The following PLCB1 variants were observed in gnomAD, a reference collection of about 807,000 sequenced individuals.
The protein encoded by PLCB1 is 1-phosphatidylinositol 4,5-bisphosphate phosphodiesterase beta-1.
Under a neutral mutation model 161.8 loss-of-function variants are expected in PLCB1, and 46 were observed. The ratio of observed to expected loss-of-function variants is 0.28; its 90% CI spans 0.22 to 0.36. The LOEUF is 0.36. Among genes scored for constraint, PLCB1 ranks in the 10% least tolerant of loss-of-function variants. The pLI is 1.00. For missense variants in PLCB1, 1,016 were observed against 1,472.5 expected, an observed-to-expected ratio of 0.69 and a Z score of 5.07; for synonymous variants, 517 against 503.7, an observed-to-expected ratio of 1.03 and a Z score of -0.35.
chr20:8,293,676 C>T (rs746225701), intron 2 of PLCB1, among the ~76,000 whole-genome samples: 3 of 151,890 alleles, frequency 2.0e-5, no homozygotes, highest in Non-Finnish European at 4.4e-5. Flanking sequence ...AAGGCAATAA[C>T]CTCTTAATAT....
At position 8,367,355 on chromosome 20, in the gene PLCB1, T is replaced by C. The variant is rs531439816; in HGVS notation, c.178-4027T>C. ...GCAACGTCAGCATCACCTGGAGGTTTATTTGAGATGCAGATTCTCAGGCCT... is the reference window on the plus strand; with the variant it reads ...GCAACGTCAGCATCACCTGGAGGTTCATTTGAGATGCAGATTCTCAGGCCT... On this transcript the variant is annotated intron_variant, in intron 2 of 31. Coordinates refer to ENST00000338037, the MANE Select transcript of PLCB1 (RefSeq NM_015192.4). Among the ~76,000 whole-genome samples the C allele has an allele frequency of 4.6e-5, 7 of 152,316 alleles. No individual in the cohort carries two copies. In the South Asian group the frequency reaches 1.0e-3, roughly 23 times the overall value.
intron 3 of PLCB1, among the ~76,000 whole-genome samples, chr20:8,601,707 G>A (rs1987592051): frequency 6.6e-6 from 1 of 152,146 alleles, no homozygotes; most frequent in Non-Finnish European, 1.5e-5. Flanking sequence ...GACTCACCCA[G>A]GTTATTCATT....
At chr20:8,395,206 T>C (rs1459489950) in intron 3 of PLCB1, among the ~76,000 whole-genome samples, 1 of 152,120 alleles carries the variant, frequency 6.6e-6, no homozygotes, top group Non-Finnish European at 1.5e-5. Flanking sequence ...CTATTGACTT[T>C]ATTATTTTTG....
At chr20:8,461,785 T>G (rs1247144867) in intron 3 of PLCB1, among the ~76,000 whole-genome samples, 2 of 152,178 alleles carry the variant, frequency 1.3e-5, no homozygotes, top group Non-Finnish European at 2.9e-5. Context: ...TTATATTATT[T>G]TATGTGGAAG....
At chr20:8,757,531 T>C (rs1031250355) in intron 24 of PLCB1, among the ~76,000 whole-genome samples, 11 of 152,208 alleles carry the variant, frequency 7.2e-5, no homozygotes, top group Admixed American at 7.2e-4. Flanking sequence ...CTTGCTTCAT[T>C]AATTCTGTGC....
rs541980927 is a variant in PLCB1 at position 8,408,833 on chromosome 20, A to G, written c.246+37383A>G. ...CGGCAGCCTTTCTGCCCACGCCACAAATATAGTGCTGTGTGTTCAGGACAC... is the reference window on the plus strand; with the variant it reads ...CGGCAGCCTTTCTGCCCACGCCACAGATATAGTGCTGTGTGTTCAGGACAC... On this transcript the variant is annotated intron_variant, in intron 3 of 31. Transcript: ENST00000338037. Among the ~76,000 whole-genome samples the G allele has an allele frequency of 5.9e-5, 9 of 152,294 alleles. No homozygotes were observed. The South Asian group carries it at 1.9e-3, about 32-fold the overall frequency.
intron 3 of PLCB1, among the ~76,000 whole-genome samples, chr20:8,505,189 G>T (rs1983587630): frequency 6.6e-6 from 1 of 152,162 alleles, no homozygotes; most frequent in Non-Finnish European, 1.5e-5. Context: ...GTGACAAGGG[G>T]ACAAGAAGCC....
intron 2 of PLCB1, among the ~76,000 whole-genome samples, chr20:8,360,652 T>C (rs1986506045): frequency 1.3e-5 from 2 of 152,164 alleles, no homozygotes; most frequent in Non-Finnish European, 2.9e-5. Context: ...TTTAGACATA[T>C]CCAGCTCCTA....
intron 3 of PLCB1, among the ~76,000 whole-genome samples, chr20:8,404,799 A>G (rs1978714521): frequency 6.6e-6 from 1 of 152,222 alleles, no homozygotes; most frequent in South Asian, 2.1e-4. Flanking sequence ...AAAACAGAAT[A>G]TTTTGGAAGT....
chr20:8,616,203 G>A (rs565317046), intron 3 of PLCB1, among the ~76,000 whole-genome samples: 13 of 152,252 alleles, frequency 8.5e-5, no homozygotes, highest in African/African-American at 3.1e-4. Flanking sequence ...GGCTTAGAAT[G>A]CCTTGACAAG....
At chr20:8,567,112 G>T (rs1986361028) in intron 3 of PLCB1, among the ~76,000 whole-genome samples, 1 of 152,082 alleles carries the variant, frequency 6.6e-6, no homozygotes, top group South Asian at 2.1e-4. Flanking sequence ...TGTGATATTG[G>T]CCTGGGCACT....
chr20:8,692,433 G>A (rs1431018473), intron 10 of PLCB1, among the ~76,000 whole-genome samples: 1 of 152,122 alleles, frequency 6.6e-6, no homozygotes, highest in East Asian at 1.9e-4. Flanking sequence ...ATGAGCTTAG[G>A]AAATAAACAG....
At chr20:8,491,714 G>A (rs1266591896) in intron 3 of PLCB1, among the ~76,000 whole-genome samples, 1 of 152,016 alleles carries the variant, frequency 6.6e-6, no homozygotes, top group Non-Finnish European at 1.5e-5. Context: ...AACTCAAATT[G>A]CCTTAATCTT....
Position 8,573,948 on chromosome 20 carries a change from G to GA in PLCB1, c.247-54339dup, listed in dbSNP as rs573964027. 7.2e-5 allele frequency among the ~76,000 whole-genome samples: 11 copies of GA among 151,984 alleles called. No homozygotes were observed. The South Asian group carries it at 1.9e-3, about 26-fold the overall frequency. ...CAGCTGATGGACATTGTGCAAAAGG[G>GA]AAAAAAAGATAAATGTAGATTTTTT... is the stretch of plus-strand genomic sequence containing the variant. On this transcript the variant is annotated intron_variant, in intron 3 of 31. Coordinates refer to ENST00000338037, the MANE Select transcript of PLCB1 (RefSeq NM_015192.4).
At chr20:8,413,910 A>G (rs953867143) in intron 3 of PLCB1, among the ~76,000 whole-genome samples, 2 of 152,200 alleles carry the variant, frequency 1.3e-5, no homozygotes, top group Non-Finnish European at 1.5e-5. Context: ...TTTAATTTCA[A>G]TCAAGCAATT....
At chr20:8,463,155 G>A (rs1251122210) in intron 3 of PLCB1, among the ~76,000 whole-genome samples, 1 of 150,744 alleles carries the variant, frequency 6.6e-6, no homozygotes, top group Non-Finnish European at 1.5e-5. Flanking sequence ...CAGTGTGTGT[G>A]TGTGTGTGTG....
intron 2 of PLCB1, among the ~76,000 whole-genome samples, chr20:8,176,065 G>C (rs1217364289): frequency 1.3e-5 from 2 of 152,148 alleles, no homozygotes; most frequent in Non-Finnish European, 1.5e-5. Flanking sequence ...ATCAATGGTA[G>C]GTTAAACAGT....
intron 3 of PLCB1, among the ~76,000 whole-genome samples, chr20:8,579,157 A>G (rs938738349): frequency 6.6e-6 from 1 of 152,186 alleles, no homozygotes; most frequent in African/African-American, 2.4e-5. Context: ...ATTGCCTTCT[A>G]CTCAGCAATG....
chr20:8,659,009 C>T (rs975745598), intron 9 of PLCB1, among the ~76,000 whole-genome samples: 1 of 152,108 alleles, frequency 6.6e-6, no homozygotes, highest in African/African-American at 2.4e-5. Flanking sequence ...AAATCACTAT[C>T]TTTAGGTTAC....
Sources: gnomAD v4.1 joint callset for allele counts (sites outside exome capture counted in the v4.1 genomes callset) on GRCh38, gnomAD v4.1.1 for gene constraint, MANE v1.5 for transcripts, NCBI Gene and HGNC (gene_info 2026-07-23, HGNC 2026-07-21) for gene names.